Variants in SCEL observed in about 807,000 individuals in gnomAD.
The protein encoded by SCEL is sciellin.
SCEL carries 113 observed loss-of-function variants against 117.6 expected under a neutral mutation model. The ratio of observed to expected loss-of-function variants is 0.96; its 90% CI spans 0.83 to 1.12. SCEL has a LOEUF of 1.12. SCEL is among the 50% of genes most tolerant of loss of function. SCEL has a pLI of 0.00. For missense variants in SCEL, 785 were observed against 810.8 expected, an observed-to-expected ratio of 0.97 and a Z score of 0.39; for synonymous variants, 270 against 256.2, an observed-to-expected ratio of 1.05 and a Z score of -0.51.
rs138812626 is a variant in SCEL at position 77,604,824 on chromosome 13, A to C, written c.1157+409A>C. Among the ~76,000 whole-genome samples, 74 of 152,236 alleles carry C rather than the reference A, an allele frequency of 4.9e-4. 1 individual carries two copies. In the East Asian group the frequency reaches 0.012, roughly 24 times the overall value. ...AAGTAGTGTATGTGAGTGTATGTGC[A>C]TGTGTATCAGTAGTATGTGGATTTA... On this transcript the variant is annotated intron_variant, in intron 19 of 32. Transcript: ENST00000349847.
chr13:77,608,186 G>C, intron 20 of SCEL, 71 bp downstream of exon 20: 1 of 1,242,228 alleles, frequency 8.1e-7, no homozygotes, highest in African/African-American at 1.5e-5. Flanking sequence ...AAGAAGATGT[G>C]TTGAAAAACC....
intron 2 of SCEL, 49 bp from the exon 3 acceptor site, chr13:77,556,547 T>C (rs932634193): frequency 1.3e-6 from 2 of 1,508,196 alleles, no homozygotes; most frequent in Non-Finnish European, 1.8e-6. Context: ...AAGCCCACGC[T>C]CAACTCCACA....
At chr13:77,559,720 C>A in intron 3 of SCEL, 84 bp from the exon 4 acceptor site, 1 of 1,209,354 alleles carries the variant, frequency 8.3e-7, no homozygotes, top group Non-Finnish European at 1.2e-6. Flanking sequence ...AAATTGGGAG[C>A]TCGCCCGCAT....
chr13:77,554,710 A>G (rs1013316570), intron 1 of SCEL, among the ~76,000 whole-genome samples: 1 of 152,204 alleles, frequency 6.6e-6, no homozygotes, highest in East Asian at 1.9e-4. Flanking sequence ...GCAGGTTTCA[A>G]TAGCCTCATT....
chr13:77,547,770 C>T (rs1022193480), intron 1 of SCEL, among the ~76,000 whole-genome samples: 8 of 152,184 alleles, frequency 5.3e-5, no homozygotes, highest in Non-Finnish European at 8.8e-5. Flanking sequence ...TCCAGAAGGC[C>T]TGGTTAAATG....
chr13:77,569,499 A>C, intron 8 of SCEL, 48 bp downstream of exon 8: 1 of 1,421,422 alleles, frequency 7.0e-7, no homozygotes, highest in Non-Finnish European at 9.9e-7. Flanking sequence ...ACTATGAAAG[A>C]CTGCATTAGA....
intron 29 of SCEL, among the ~76,000 whole-genome samples, chr13:77,635,731 C>G (rs2090246519): frequency 6.6e-6 from 1 of 152,058 alleles, no homozygotes; most frequent in Admixed American, 6.6e-5. Context: ...ATTATGATGA[C>G]TATGGTTTAT....
chr13:77,576,916 A>C (rs2085975208), intron 9 of SCEL, among the ~76,000 whole-genome samples: 1 of 152,102 alleles, frequency 6.6e-6, no homozygotes, highest in African/African-American at 2.4e-5. Context: ...ATGGGAGTTC[A>C]TTCATGACTG....
intron 1 of SCEL, among the ~76,000 whole-genome samples, chr13:77,542,163 C>T (rs1314960066): frequency 6.6e-6 from 1 of 152,072 alleles, no homozygotes; most frequent in African/African-American, 2.4e-5. Flanking sequence ...AAACCAGAAT[C>T]AGGCCGAGGC....
At chr13:77,563,264 T>C (rs1418658326) in intron 4 of SCEL, among the ~76,000 whole-genome samples, 2 of 151,908 alleles carry the variant, frequency 1.3e-5, no homozygotes, top group African/African-American at 2.4e-5. Context: ...CTTTTCATTT[T>C]CCCCAGCTTT....
intron 1 of SCEL, among the ~76,000 whole-genome samples, chr13:77,549,153 G>A (rs1372751414): frequency 1.3e-5 from 2 of 152,062 alleles, no homozygotes; most frequent in Admixed American, 6.6e-5. Flanking sequence ...TTCCATAGAG[G>A]TTGTACTAAT....
intron 1 of SCEL, among the ~76,000 whole-genome samples, chr13:77,545,921 T>C (rs940713723): frequency 2.0e-5 from 3 of 152,254 alleles, no homozygotes; most frequent in African/African-American, 7.2e-5. Flanking sequence ...TCATTTATAT[T>C]TCAGAAGAAA....
chr13:77,551,434 G>A (rs945542918), intron 1 of SCEL, among the ~76,000 whole-genome samples: 2 of 152,134 alleles, frequency 1.3e-5, no homozygotes, highest in African/African-American at 4.8e-5. Flanking sequence ...GTTTGCTCAG[G>A]CTGTTATAAC....
intron 9 of SCEL, among the ~76,000 whole-genome samples, chr13:77,582,384 G>A (rs1225173273): frequency 6.6e-6 from 1 of 151,998 alleles, no homozygotes; most frequent in African/African-American, 2.4e-5. Context: ...GTGCCACCAC[G>A]CCTGGCTGAA....
intron 29 of SCEL, among the ~76,000 whole-genome samples, chr13:77,635,391 TGA>T (rs1262282820): frequency 6.6e-6 from 1 of 152,172 alleles, no homozygotes; most frequent in Non-Finnish European, 1.5e-5. Context: ...GATAAAAAGA[TGA>T]GTAATATCAA....
chr13:77,644,173 C>A, intron 32 of SCEL, 85 bp from the exon 33 acceptor site: 2 of 1,432,316 alleles, frequency 1.4e-6, no homozygotes, highest in South Asian at 1.2e-5. Flanking sequence ...TACCACTACC[C>A]GTTGGGTGAA....
chr13:77,638,118 C>T (rs966611567), intron 30 of SCEL, among the ~76,000 whole-genome samples: 1 of 152,156 alleles, frequency 6.6e-6, no homozygotes, highest in African/African-American at 2.4e-5. Flanking sequence ...CATATGTAGT[C>T]TCAGCTTCTA....
chr13:77,641,724 A>G lies in SCEL; in HGVS notation c.1947+940A>G, dbSNP rs2090565581. On this transcript the variant is annotated intron_variant, in intron 31 of 32. Transcript: ENST00000349847. The stretch of plus-strand genomic sequence containing the variant: ...ATATATGGTTTCTTTCTAGTGCAAC[A>G]TTCTACGGTTGATACAAATGATCAA... Among the ~76,000 whole-genome samples the G allele has an allele frequency of 6.6e-5, 10 of 152,188 alleles. No homozygotes were observed. The South Asian group carries it at 1.9e-3, about 28-fold the overall frequency.
chr13:77,566,987 A>G (rs1043745990), intron 5 of SCEL, among the ~76,000 whole-genome samples: 3 of 152,248 alleles, frequency 2.0e-5, no homozygotes, highest in African/African-American at 4.8e-5. Flanking sequence ...TTGCAAACAC[A>G]TAATATTGTT....
Sources: allele counts gnomAD v4.1 joint callset (sites outside exome capture counted in the v4.1 genomes callset), GRCh38; gene constraint gnomAD v4.1.1; transcripts MANE v1.5; gene names NCBI Gene and HGNC (gene_info 2026-07-23, HGNC 2026-07-21).